The following GPC5 variants were observed in gnomAD, a reference collection of about 807,000 sequenced individuals.
GPC5 encodes the protein glypican 5.
GPC5 carries 47 observed loss-of-function variants against 53.9 expected under a neutral mutation model. The observed-to-expected ratio is 0.87, with a 90% CI of 0.69 to 1.11. GPC5 has a LOEUF of 1.11. Among genes scored for constraint, GPC5 ranks in the 50% most tolerant of loss-of-function variants. The pLI, the probability that GPC5 is intolerant of heterozygous loss-of-function variation, is 0.00. For missense variants in GPC5, 748 were observed against 713.1 expected (o/e 1.05, Z -0.56); for synonymous variants, 286 against 263.3 (o/e 1.09, Z -0.84).
chr13:92,188,523 C>T (rs1593976339), intron 7 of GPC5, among the ~76,000 whole-genome samples: 1 of 152,058 alleles, frequency 6.6e-6, no homozygotes, highest in Non-Finnish European at 1.5e-5. Flanking sequence ...TACTCCTATT[C>T]ACTAAATCCA....
intron 2 of GPC5, among the ~76,000 whole-genome samples, chr13:91,653,310 T>A (rs2034763459): frequency 6.6e-6 from 1 of 152,130 alleles, no homozygotes; most frequent in African/African-American, 2.4e-5. Context: ...CCCACAGCCT[T>A]AATTTCCATC....
intron 7 of GPC5, among the ~76,000 whole-genome samples, chr13:92,692,912 G>T (rs1041042102): frequency 1.3e-5 from 2 of 151,734 alleles, no homozygotes; most frequent in African/African-American, 2.4e-5. Context: ...ATCTCAAATT[G>T]TAATACCCAG....
rs114500216 is a variant in GPC5 at position 91,914,270 on chromosome 13, A to G, written c.1401+6213A>G. ...TACCTACTTTCAATATGAAACAGAAAAAGTAATATCACAGCAATTTTCTGG... is the reference window on the plus strand; with the variant it reads ...TACCTACTTTCAATATGAAACAGAAGAAGTAATATCACAGCAATTTTCTGG... On this transcript the variant is annotated intron_variant, in intron 6 of 7. Transcript: ENST00000377067. 4.9e-3 allele frequency among the ~76,000 whole-genome samples: 739 copies of G among 152,326 alleles called. 13 individuals carry two copies. Among genetic ancestry groups the G allele is most frequent in the African/African-American group, 0.016 (646 of 41,578 alleles).
chr13:92,110,823 C>A (rs1375256096), intron 6 of GPC5, among the ~76,000 whole-genome samples: 3 of 152,132 alleles, frequency 2.0e-5, no homozygotes, highest in Non-Finnish European at 2.9e-5. Flanking sequence ...CTGCTGATAA[C>A]CTTTTGCTGT....
intron 7 of GPC5, among the ~76,000 whole-genome samples, chr13:92,831,093 G>T (rs1028443167): frequency 6.6e-6 from 1 of 152,044 alleles, no homozygotes; most frequent in Non-Finnish European, 1.5e-5. Context: ...CAAAGATTTT[G>T]TGTTAGCAAA....
At chr13:92,525,372 A>T (rs1471703732) in intron 7 of GPC5, among the ~76,000 whole-genome samples, 1 of 151,522 alleles carries the variant, frequency 6.6e-6, no homozygotes, top group Non-Finnish European at 1.5e-5. Context: ...GCCTCATTTG[A>T]AGATACGATT....
intron 5 of GPC5, among the ~76,000 whole-genome samples, chr13:91,778,278 A>T (rs775213703): frequency 4.6e-5 from 7 of 152,200 alleles, no homozygotes; most frequent in Non-Finnish European, 1.0e-4. Flanking sequence ...TTATTATAAA[A>T]GTTTCAGCTG....
At chr13:92,343,184 A>C (rs1028670174) in intron 7 of GPC5, among the ~76,000 whole-genome samples, 5 of 152,168 alleles carry the variant, frequency 3.3e-5, no homozygotes, top group Non-Finnish European at 7.3e-5. Flanking sequence ...ATCAGAAAGC[A>C]CTGGGTGTTG....
At chr13:91,553,802 G>A (rs1018259775) in intron 2 of GPC5, among the ~76,000 whole-genome samples, 2 of 152,030 alleles carry the variant, frequency 1.3e-5, no homozygotes, top group Non-Finnish European at 2.9e-5. Flanking sequence ...GGAATAAAAA[G>A]CTCTCTTAAT....
intron 7 of GPC5, among the ~76,000 whole-genome samples, chr13:92,624,355 C>T (rs1884979954): frequency 6.6e-6 from 1 of 152,158 alleles, no homozygotes; most frequent in African/African-American, 2.4e-5. Context: ...CAGGCATGAG[C>T]CACTGCGCCC....
chr13:92,806,237 GC>G (rs1877096248), intron 7 of GPC5, among the ~76,000 whole-genome samples: 1 of 152,064 alleles, frequency 6.6e-6, no homozygotes, highest in South Asian at 2.1e-4. Context: ...ACATCGGCTA[GC>G]TTCAAACTTT....
At chr13:92,408,668 T>C (rs538388037) in intron 7 of GPC5, among the ~76,000 whole-genome samples, 2 of 151,920 alleles carry the variant, frequency 1.3e-5, no homozygotes, top group East Asian at 3.9e-4. Context: ...AATACATATA[T>C]GTATATGTAT....
At chr13:91,619,356 G>A (rs1243202617) in intron 2 of GPC5, among the ~76,000 whole-genome samples, 1 of 151,938 alleles carries the variant, frequency 6.6e-6, no homozygotes, top group African/African-American at 2.4e-5. Context: ...TCCTATACGA[G>A]GGCAAACCAT....
chr13:92,815,253 G>A (rs1877428541), intron 7 of GPC5, among the ~76,000 whole-genome samples: 1 of 151,982 alleles, frequency 6.6e-6, no homozygotes, highest in South Asian at 2.1e-4. Context: ...ATATTTTAGG[G>A]AGAGAGATCA....
At chr13:92,557,460 T>C (rs1882535695) in intron 7 of GPC5, among the ~76,000 whole-genome samples, 2 of 151,924 alleles carry the variant, frequency 1.3e-5, no homozygotes, top group African/African-American at 2.4e-5. Flanking sequence ...TGGAATCTCA[T>C]TGTCTTAAAA....
chr13:92,717,355 G>A (rs1378530870), intron 7 of GPC5, among the ~76,000 whole-genome samples: 2 of 152,012 alleles, frequency 1.3e-5, no homozygotes, highest in Admixed American at 1.3e-4. Flanking sequence ...CACCTCTGCC[G>A]CCAGACATAT....
intron 7 of GPC5, among the ~76,000 whole-genome samples, chr13:92,578,192 A>G (rs938604041): frequency 7.9e-5 from 12 of 152,290 alleles, no homozygotes; most frequent in Admixed American, 3.9e-4. Flanking sequence ...AGTCAAGGTA[A>G]GAGGAACAGG....
chr13:92,213,430 T>C (rs2042389122), intron 7 of GPC5, among the ~76,000 whole-genome samples: 1 of 152,156 alleles, frequency 6.6e-6, no homozygotes, highest in Admixed American at 6.5e-5. Flanking sequence ...ATGTTTTCTG[T>C]CTATGGAACA....
chr13:91,733,474 T>C (rs1052917545), intron 4 of GPC5, among the ~76,000 whole-genome samples: 1 of 152,208 alleles, frequency 6.6e-6, no homozygotes, highest in African/African-American at 2.4e-5. Flanking sequence ...GGAATGTTTT[T>C]CCATTTGTTT....
Sources: allele counts gnomAD v4.1 joint callset (sites outside exome capture counted in the v4.1 genomes callset), GRCh38; gene constraint gnomAD v4.1.1; transcripts MANE v1.5; gene names NCBI Gene and HGNC (gene_info 2026-07-23, HGNC 2026-07-21).